PTPRE: variants seen among roughly 807,000 people sequenced by gnomAD.
The protein encoded by PTPRE is receptor-type tyrosine-protein phosphatase epsilon.
A neutral mutation model predicts 102.0 loss-of-function variants in PTPRE; 51 were observed. The observed-to-expected ratio is 0.50, with a 90% CI of 0.40 to 0.63. The LOEUF (loss-of-function observed/expected upper bound fraction) is 0.63, where lower values mean the gene tolerates loss of function less well. Ranked by LOEUF, PTPRE falls within the 30% of genes least tolerant of loss-of-function variation. PTPRE has a pLI of 0.00. For synonymous variants in PTPRE, 345 were observed against 348.2 expected, an observed-to-expected ratio of 0.99 and a Z score of 0.10; for missense variants, 752 against 915.1, an observed-to-expected ratio of 0.82 and a Z score of 2.30.
rs576308720 is a variant in PTPRE, at chr10:127,991,275, CGA to C, written c.-8+8980_-8+8981del. Among the ~76,000 whole-genome samples the C allele has an allele frequency of 7.3e-4, 111 of 152,310 alleles. 1 individual carries two copies. Among genetic ancestry groups the C allele is most frequent in the African/African-American group, 2.6e-3 (109 of 41,562 alleles). ...CTTCCTTCCAATCTGAAGCCAACAC[CGA>C]CATTCTGTTATGCTGTTTCCCGTTG... is the stretch of plus-strand genomic sequence containing the variant. On this transcript the variant is annotated intron_variant, in intron 2 of 20. Transcript: ENST00000254667.
rs1159264283 is a variant in PTPRE, at chr10:127,944,552, A to G, written c.-31+37243A>G. Among the ~76,000 whole-genome samples, 3 of 152,094 alleles carry G rather than the reference A, an allele frequency of 2.0e-5. No individual in the cohort carries two copies. Among genetic ancestry groups the G allele is most frequent in the Admixed American group, 2.0e-4 (3 of 15,268 alleles). On this transcript the variant is annotated intron_variant, in intron 1 of 20. Coordinates refer to ENST00000254667, the MANE Select transcript of PTPRE (RefSeq NM_006504.6). This position sits in a 1 kb window ranked among gnomAD's most constrained non-coding sequence, Gnocchi z 4.2. ...GATAAATGGATGGATGGATAAGTGG[A>G]TGGATGGATGGGTGGATAGATGGAT...
At chr10:127,989,122 A>G (rs1330713936) in intron 2 of PTPRE, among the ~76,000 whole-genome samples, 1 of 152,134 alleles carries the variant, frequency 6.6e-6, no homozygotes, top group Non-Finnish European at 1.5e-5. Context: ...GCTATCAGAA[A>G]TGGTGCAGAT....
intron 1 of PTPRE, among the ~76,000 whole-genome samples, chr10:127,960,877 C>T (rs940613640): frequency 5.9e-5 from 9 of 151,982 alleles, no homozygotes; most frequent in Non-Finnish European, 1.2e-4. Context: ...AAAAATTAGC[C>T]GGGCGTGGTG....
chr10:128,012,494 C>T (rs1198360365), intron 2 of PTPRE, among the ~76,000 whole-genome samples: 1 of 152,190 alleles, frequency 6.6e-6, no homozygotes, highest in Non-Finnish European at 1.5e-5. Context: ...ACCATGGCAG[C>T]GAGGCACCCA....
At chr10:127,951,651 C>CATTG (rs1849033334) in intron 1 of PTPRE, among the ~76,000 whole-genome samples, 1 of 152,246 alleles carries the variant, frequency 6.6e-6, no homozygotes, top group Non-Finnish European at 1.5e-5. Flanking sequence ...AGAATCCTCA[C>CATTG]ATTGGCTCCC....
rs35709074 is a variant in PTPRE, at chr10:128,082,195, C to CTTTTTTTT, written c.2029-616_2029-609dup. Among the ~76,000 whole-genome samples the CTTTTTTTT allele has an allele frequency of 1.4e-3, 126 of 89,052 alleles. 9 individuals carry two copies. The highest frequency in any genetic ancestry group is 3.5e-3 in the African/African-American group (76 of 22,002). The allele number at this position is 89,052 out of a possible 152,430, so 58.4% of individuals were successfully genotyped here. ...TTAGTACTCTGATTTTTTTCTCTTT[C>CTTTTTTTT]TTTTTTTTTTTTTTTTTTTTTTTTT... On this transcript the variant is annotated intron_variant, in intron 20 of 20. Transcript: ENST00000254667.
intron 16 of PTPRE, 104 bp downstream of exon 16, chr10:128,072,318 T>A: frequency 9.2e-7 from 1 of 1,089,304 alleles, no homozygotes; most frequent in Non-Finnish European, 1.3e-6. Context: ...TTGACATGTT[T>A]CCAGAAACTC....
chr10:127,997,203 G>A (rs1014795863), intron 2 of PTPRE, among the ~76,000 whole-genome samples: 4 of 152,100 alleles, frequency 2.6e-5, no homozygotes, highest in Non-Finnish European at 4.4e-5. Flanking sequence ...TGCTTTTCCC[G>A]GGAATCAAAC....
At chr10:127,989,798 C>G (rs775328677) in intron 2 of PTPRE, among the ~76,000 whole-genome samples, 1 of 152,212 alleles carries the variant, frequency 6.6e-6, no homozygotes, top group Admixed American at 6.5e-5. Context: ...GTTTTATGAT[C>G]ACTTGAGTTG....
In PTPRE at chr10:128,047,752, T is replaced by C; in HGVS notation, c.210-12T>C. 1.2e-6 allele frequency: 2 copies of C among 1,611,670 alleles called. No homozygotes were observed. Among genetic ancestry groups the C allele is most frequent in the East Asian group, 2.2e-5 (1 of 44,770 alleles). On this transcript the variant is annotated splice_polypyrimidine_tract_variant and intron_variant, in intron 4 of 20. Transcript: ENST00000254667. ...AGAAGTGTGGAAACCTAACGCATCC[T>C]GTGTCTCTAAGGTTCAGGAAGCAGA... is the stretch of plus-strand genomic sequence containing the variant.
At chr10:127,936,615 C>T (rs768642661) in intron 1 of PTPRE, among the ~76,000 whole-genome samples, 1 of 152,104 alleles carries the variant, frequency 6.6e-6, no homozygotes, top group Non-Finnish European at 1.5e-5. Context: ...GAATCTGGCT[C>T]TAGAATCACG....
At chr10:127,962,948 G>A (rs1347354863) in intron 1 of PTPRE, among the ~76,000 whole-genome samples, 1 of 152,182 alleles carries the variant, frequency 6.6e-6, no homozygotes, top group Non-Finnish European at 1.5e-5. Flanking sequence ...GGGGGCTCTG[G>A]AGGTCCCAAG....
intron 1 of PTPRE, among the ~76,000 whole-genome samples, chr10:127,917,337 T>C (rs552807373): frequency 1.2e-4 from 19 of 152,194 alleles, no homozygotes; most frequent in Non-Finnish European, 2.6e-4. Flanking sequence ...ATGAAACTGA[T>C]GGTGCCAATG....
Position 128,056,141 on chromosome 10 carries a change from A to T in PTPRE, c.439A>T (p.Ile147Leu). The change falls in exon 7 of 21, where the codon ATA becomes TTA. Residue 147 changes from isoleucine (I) to leucine (L), a missense_variant. Transcript: ENST00000254667. ...EEFNSLPSGH[I>L]QGTFELANKE... ...CTTCCAGTCATTGCCATCTGGACACATACAAGGAACTTTTGAACTGGCAAA... is the reference window on the plus strand; with the variant it reads ...CTTCCAGTCATTGCCATCTGGACACTTACAAGGAACTTTTGAACTGGCAAA... The T allele has an allele frequency of 6.2e-7, 1 of 1,612,322 alleles. No individual in the cohort carries two copies.
chr10:128,020,272 TCTAA>T (rs1215946002), intron 2 of PTPRE, among the ~76,000 whole-genome samples: 3 of 152,380 alleles, frequency 2.0e-5, no homozygotes, highest in East Asian at 3.9e-4. Context: ...TTTGAACAGC[TCTAA>T]CTTTGTTTCT....
chr10:127,917,195 A>G (rs1041090248), intron 1 of PTPRE, among the ~76,000 whole-genome samples: 2 of 151,250 alleles, frequency 1.3e-5, no homozygotes, highest in Non-Finnish European at 2.9e-5. Context: ...GGCTTACGAG[A>G]TGATGGTGCG....
chr10:127,956,537 C>A (rs1184138380), intron 1 of PTPRE, among the ~76,000 whole-genome samples: 3 of 152,228 alleles, frequency 2.0e-5, no homozygotes, highest in Non-Finnish European at 1.5e-5. Context: ...TATATACATA[C>A]ATATGTGGGT....
chr10:127,989,727 T>C (rs954746813), intron 2 of PTPRE, among the ~76,000 whole-genome samples: 7 of 152,248 alleles, frequency 4.6e-5, no homozygotes, highest in Non-Finnish European at 1.0e-4. Flanking sequence ...CATTAACAAA[T>C]AAGAACATAT....
chr10:128,070,479 CTGG>C lies in PTPRE; in HGVS notation c.1293+32_1293+34del. On this transcript the variant is annotated intron_variant, in intron 14 of 20. Transcript: ENST00000254667. This position sits in a 1 kb window ranked among gnomAD's most constrained non-coding sequence, Gnocchi z 4.8. ...AGTACAGCTGACCCTCCTCTCCATC[CTGG>C]TGTAAGCAGCCAAGGGCACGAGGAA... 6.2e-7 allele frequency: 1 copy of C among 1,601,370 alleles called. No individual in the cohort carries two copies. Among genetic ancestry groups the C allele is most frequent in the South Asian group, 1.1e-5 (1 of 88,730 alleles).
Sources: allele counts gnomAD v4.1 joint callset (sites outside exome capture counted in the v4.1 genomes callset), GRCh38; gene constraint gnomAD v4.1.1; non-coding constraint Gnocchi (gnomAD v3.1); transcripts MANE v1.5; gene names NCBI Gene and HGNC (gene_info 2026-07-23, HGNC 2026-07-21).